MAP1B: variants seen among roughly 807,000 people sequenced by gnomAD.
MAP1B encodes microtubule-associated protein 1B.
Under a neutral mutation model 176.1 loss-of-function variants are expected in MAP1B, and 12 were observed. That is an observed-to-expected ratio of 0.07 (90% CI 0.04 to 0.11). The LOEUF is 0.11. MAP1B is among the 10% of genes least tolerant of loss of function. MAP1B has a pLI of 1.00. For synonymous variants in MAP1B, 1,044 were observed against 1,135.0 expected (o/e 0.92, Z 1.61); for missense variants, 2,523 against 2,990.5 (o/e 0.84, Z 3.65).
At chr5:72,162,469 C>T (rs1746344887) in intron 2 of MAP1B, among the ~76,000 whole-genome samples, 2 of 150,800 alleles carry the variant, frequency 1.3e-5, no homozygotes, top group African/African-American at 2.4e-5. Flanking sequence ...TTTAAGAAAA[C>T]GAAAGACATC....
intron 6 of MAP1B, 93 bp downstream of exon 6, chr5:72,203,894 T>TCCAC: frequency 8.6e-7 from 1 of 1,161,382 alleles, no homozygotes; most frequent in Non-Finnish European, 1.2e-6. Context: ...CTCATGTGGC[T>TCCAC]GATCGTGGAT....
intron 3 of MAP1B, among the ~76,000 whole-genome samples, chr5:72,184,710 C>T (rs1378233669): frequency 1.3e-5 from 2 of 152,164 alleles, no homozygotes; most frequent in African/African-American, 2.4e-5. Flanking sequence ...GATAGAGTTG[C>T]TTCTCGGACA....
intron 2 of MAP1B, among the ~76,000 whole-genome samples, chr5:72,172,942 C>T (rs1045376308): frequency 6.6e-6 from 1 of 152,200 alleles, no homozygotes; most frequent in Non-Finnish European, 1.5e-5. Flanking sequence ...AACTCTCTGT[C>T]ATCTGTCTTC....
chr5:72,148,657 C>T (rs1016677281), intron 2 of MAP1B, among the ~76,000 whole-genome samples: 19 of 152,160 alleles, frequency 1.2e-4, no homozygotes, highest in East Asian at 3.8e-4. Context: ...CCACTTGCCA[C>T]GCACCGAGGA....
At chr5:72,185,765 G>A (rs1746883608) in intron 3 of MAP1B, among the ~76,000 whole-genome samples, 1 of 152,118 alleles carries the variant, frequency 6.6e-6, no homozygotes, top group South Asian at 2.1e-4. Flanking sequence ...TGTGTTTTTT[G>A]CATGATTACA....
rs547914821 is a variant in MAP1B, at chr5:72,128,943, C to T, written c.286+13144C>T. 1.3e-4 allele frequency among the ~76,000 whole-genome samples: 20 copies of T among 152,324 alleles called. 1 individual carries two copies. Among genetic ancestry groups the T allele is most frequent in the African/African-American group, 4.1e-4 (17 of 41,576 alleles). ...GCTGGGATTACAGTGTGAGCCACTG[C>T]ATTTGGCTGAAAACGTAATTTTTTA... On this transcript the variant is annotated intron_variant, in intron 2 of 6. Transcript: ENST00000296755.
In MAP1B at chr5:72,197,558, G is replaced by T. The variant is rs752177471; in HGVS notation, c.4203G>T (p.Pro1401=). ...AAGTTTTGTCTCCTTTACGCAGCCCGCCCCTCATTGGATCCGAGTCTGCTT... is the reference window on the plus strand; with the variant it reads ...AAGTTTTGTCTCCTTTACGCAGCCCTCCCCTCATTGGATCCGAGTCTGCTT... ...IEKVLSPLRS[P]PLIGSESAYE... The change falls in exon 5 of 7, where the codon CCG becomes CCT. Residue 1401 remains proline (P), a synonymous_variant. Coordinates refer to ENST00000296755, the MANE Select transcript of MAP1B (RefSeq NM_005909.5). The T allele has an allele frequency of 6.2e-7, 1 of 1,614,138 alleles. No individual in the cohort carries two copies.
chr5:72,119,470 G>A (rs886296960), intron 2 of MAP1B, among the ~76,000 whole-genome samples: 11 of 152,212 alleles, frequency 7.2e-5, no homozygotes, highest in African/African-American at 2.7e-4. Flanking sequence ...AAGTTCAGTA[G>A]TTGAGTCTTT....
chr5:72,115,661 C>T (rs747958764), intron 1 of MAP1B, 37 bp from the exon 2 acceptor site: 3 of 1,127,486 alleles, frequency 2.7e-6, no homozygotes, highest in Non-Finnish European at 4.1e-6. Flanking sequence ...AAATGACTAA[C>T]TGGAAGTCTC....
At chr5:72,187,092 A>G (rs1649529957) in intron 4 of MAP1B, among the ~76,000 whole-genome samples, 1 of 152,082 alleles carries the variant, frequency 6.6e-6, no homozygotes, top group African/African-American at 2.4e-5. Context: ...CTGAAATAAT[A>G]CTCCAAAGAT....
At chr5:72,152,465 TAGAC>T (rs1232655163) in intron 2 of MAP1B, among the ~76,000 whole-genome samples, 2 of 152,156 alleles carry the variant, frequency 1.3e-5, no homozygotes, top group Non-Finnish European at 2.9e-5. Flanking sequence ...TTTATTTTAT[TAGAC>T]AGAGTCTCAC....
At chr5:72,174,402 A>T (rs766055083) in intron 2 of MAP1B, among the ~76,000 whole-genome samples, 4 of 152,232 alleles carry the variant, frequency 2.6e-5, no homozygotes, top group Non-Finnish European at 5.9e-5. Flanking sequence ...AACTGACCAC[A>T]ATATGCATAG....
intron 2 of MAP1B, among the ~76,000 whole-genome samples, chr5:72,123,067 G>A (rs1001514071): frequency 6.6e-6 from 1 of 152,122 alleles, no homozygotes; most frequent in Admixed American, 6.5e-5. Context: ...AGCACCTATG[G>A]TAGCCTACTA....
At chr5:72,150,118 CT>C (rs1455242138) in intron 2 of MAP1B, among the ~76,000 whole-genome samples, 1 of 152,170 alleles carries the variant, frequency 6.6e-6, no homozygotes, top group Non-Finnish European at 1.5e-5. Context: ...TCCCATTTAG[CT>C]TTTACAAAAA....
intron 2 of MAP1B, among the ~76,000 whole-genome samples, chr5:72,165,352 A>T (rs1279024050): frequency 1.3e-5 from 2 of 152,238 alleles, no homozygotes; most frequent in African/African-American, 4.8e-5. Context: ...TATTTGTCAA[A>T]TCAATGAATG....
chr5:72,147,607 G>A (rs1226804986), intron 2 of MAP1B, among the ~76,000 whole-genome samples: 1 of 152,314 alleles, frequency 6.6e-6, no homozygotes, highest in South Asian at 2.1e-4. Flanking sequence ...GCGAGGACAC[G>A]CCCCAGCTGT....
chr5:72,119,667 C>A (rs1040614114), intron 2 of MAP1B, among the ~76,000 whole-genome samples: 1 of 152,060 alleles, frequency 6.6e-6, no homozygotes, highest in Non-Finnish European at 1.5e-5. Context: ...ACCATCACAC[C>A]TAGGTAATTT....
At chr5:72,122,107 C>A (rs1745540341) in intron 2 of MAP1B, among the ~76,000 whole-genome samples, 1 of 152,184 alleles carries the variant, frequency 6.6e-6, no homozygotes, top group Non-Finnish European at 1.5e-5. Flanking sequence ...GCATTATATT[C>A]GTTAAGGTAA....
chr5:72,175,101 G>T (rs1746625519), intron 2 of MAP1B, among the ~76,000 whole-genome samples: 1 of 136,662 alleles, frequency 7.3e-6, no homozygotes, highest in African/African-American at 2.8e-5. Flanking sequence ...ATTTCACTCT[G>T]TTGCCCAGGC....
Sources: allele counts gnomAD v4.1 joint callset (sites outside exome capture counted in the v4.1 genomes callset), GRCh38; gene constraint gnomAD v4.1.1; transcripts MANE v1.5; gene names NCBI Gene and HGNC (gene_info 2026-07-23, HGNC 2026-07-21).